The following DLEU7 variants were observed in gnomAD, a reference collection of about 807,000 sequenced individuals.
The protein encoded by DLEU7 is leukemia-associated protein 7.
In DLEU7, 17 loss-of-function variants were observed where a neutral mutation model predicts 16.0. The observed-to-expected ratio is 1.06, with a 90% CI of 0.73 to 1.59. The LOEUF is 1.59. Among genes scored for constraint, DLEU7 ranks in the 40% most tolerant of loss-of-function variants. DLEU7 has a pLI of 0.00. For missense variants in DLEU7, 308 were observed against 314.9 expected, an observed-to-expected ratio of 0.98 and a Z score of 0.17; for synonymous variants, 113 against 139.8, an observed-to-expected ratio of 0.81 and a Z score of 1.35.
At chr13:50,715,037 G>A (rs976529912) in intron 1 of DLEU7, among the ~76,000 whole-genome samples, 2 of 152,134 alleles carry the variant, frequency 1.3e-5, no homozygotes, top group African/African-American at 4.8e-5. Flanking sequence ...GCGGAATTCA[G>A]TTCAATTTGC....
chr13:50,770,565 A>G (rs1875269973), intron 1 of DLEU7, among the ~76,000 whole-genome samples: 1 of 152,068 alleles, frequency 6.6e-6, no homozygotes, highest in South Asian at 2.1e-4. Flanking sequence ...TTTATGTCAT[A>G]GATTATGTTT....
chr13:50,770,684 T>C (rs1875275394), intron 1 of DLEU7, among the ~76,000 whole-genome samples: 1 of 152,256 alleles, frequency 6.6e-6, no homozygotes, highest in Admixed American at 6.5e-5. Flanking sequence ...CAGTATTTTA[T>C]TGAGGATTTT....
At chr13:50,814,300 C>G (rs1876656681) in intron 1 of DLEU7, among the ~76,000 whole-genome samples, 1 of 152,036 alleles carries the variant, frequency 6.6e-6, no homozygotes, top group African/African-American at 2.4e-5. Context: ...GACGAATCAT[C>G]TATCCACCCA....
intron 1 of DLEU7, among the ~76,000 whole-genome samples, chr13:50,720,491 C>T (rs1873572025): frequency 6.6e-6 from 1 of 152,230 alleles, no homozygotes; most frequent in Non-Finnish European, 1.5e-5. Context: ...TAAACTGCAA[C>T]ATGCAACCTG....
intron 1 of DLEU7, among the ~76,000 whole-genome samples, chr13:50,836,986 A>G (rs190064839): frequency 3.9e-5 from 6 of 152,324 alleles, no homozygotes; most frequent in African/African-American, 1.2e-4. Context: ...CTGGCTTTGA[A>G]CCACAAATCA....
At chr13:50,792,032 A>G (rs1875974083) in intron 1 of DLEU7, among the ~76,000 whole-genome samples, 1 of 152,000 alleles carries the variant, frequency 6.6e-6, no homozygotes, top group South Asian at 2.1e-4. Flanking sequence ...TCTGGGGAAA[A>G]CTCTATCAAG....
chr13:50,843,745 G>T (rs762395111), upstream of DLEU7: 12 of 1,428,604 alleles, frequency 8.4e-6, no homozygotes, highest in Non-Finnish European at 1.1e-5. The surrounding 1 kb of genome is among the most constrained non-coding windows in gnomAD (Gnocchi z 5.7). Flanking sequence ...TCTAACCCGC[G>T]GCTCCTCGGC....
intron 1 of DLEU7, among the ~76,000 whole-genome samples, chr13:50,757,608 G>T (rs1874799974): frequency 6.6e-6 from 1 of 152,176 alleles, no homozygotes; most frequent in Non-Finnish European, 1.5e-5. Context: ...TATTCGTCAT[G>T]CTTGTTACTG....
intron 1 of DLEU7, among the ~76,000 whole-genome samples, chr13:50,803,963 A>G (rs1424290208): frequency 1.3e-5 from 2 of 152,106 alleles, no homozygotes; most frequent in African/African-American, 4.8e-5. Context: ...GGGTCCTAGT[A>G]TTTTTATATT....
chr13:50,811,782 A>G (rs1220935787), intron 1 of DLEU7, among the ~76,000 whole-genome samples: 1 of 152,134 alleles, frequency 6.6e-6, no homozygotes, highest in African/African-American at 2.4e-5. Context: ...AAATGCCTGT[A>G]AGATGTCTGG....
In DLEU7 at chr13:50,798,302, G is replaced by A. The variant is rs141575592; in HGVS notation, c.459+44886C>T. ...ATGTGTACAACACAATATGGGTGGC[G>A]CAGTCACAAACCTGACTGCAAACTC... On this transcript the variant is annotated intron_variant, in intron 1 of 1. Coordinates refer to the DLEU7 transcript ENST00000400393. Among the ~76,000 whole-genome samples the A allele has an allele frequency of 3.3e-4, 51 of 152,250 alleles. No individual in the cohort carries two copies. The East Asian group carries it at 8.9e-3, about 27-fold the overall frequency.
rs576808888 is a variant in DLEU7, at chr13:50,712,447, G to A, written c.*770C>T. ...TGCATTCAGTTCAACTTTCTTTCTC[G>A]GTTCCTTTCCCTACCCTGGTTTAGT... On this transcript the variant is annotated 3_prime_UTR_variant, in exon 2 of 2. Transcript: ENST00000400393. 5.3e-5 allele frequency: 8 copies of A among 152,064 alleles called. No homozygotes were observed. The East Asian group carries it at 7.7e-4, about 15-fold the overall frequency. The allele number at this position is 152,064 out of a possible 1,614,324, so 9.4% of individuals were successfully genotyped here.
chr13:50,756,894 G>T (rs1219809201), intron 1 of DLEU7, among the ~76,000 whole-genome samples: 2 of 152,124 alleles, frequency 1.3e-5, no homozygotes, highest in Admixed American at 1.3e-4. Context: ...GGCCTTTCCC[G>T]CTGCTTCCTC....
chr13:50,736,368 G>A (rs1007457282), intron 1 of DLEU7, among the ~76,000 whole-genome samples: 2 of 152,066 alleles, frequency 1.3e-5, no homozygotes, highest in Non-Finnish European at 2.9e-5. Context: ...GAGGGTGGGA[G>A]GAGGGAGAGG....
At chr13:50,768,361 G>C (rs1034810250) in intron 1 of DLEU7, among the ~76,000 whole-genome samples, 4 of 151,722 alleles carry the variant, frequency 2.6e-5, no homozygotes, top group Non-Finnish European at 5.9e-5. Context: ...AGGTATACAT[G>C]TGCCATGTTG....
intron 1 of DLEU7, among the ~76,000 whole-genome samples, chr13:50,837,222 T>A (rs2137815276): frequency 6.6e-6 from 1 of 152,298 alleles, no homozygotes; most frequent in East Asian, 1.9e-4. Flanking sequence ...CCACACCATT[T>A]CCAGCTGAAA....
intron 1 of DLEU7, among the ~76,000 whole-genome samples, chr13:50,729,716 A>C (rs1268065303): frequency 6.6e-6 from 1 of 152,138 alleles, no homozygotes; most frequent in Non-Finnish European, 1.5e-5. Context: ...TTGACTTTTT[A>C]ATAATAACCA....
At chr13:50,842,185 T>G (rs534699504) in intron 1 of DLEU7, among the ~76,000 whole-genome samples, 1 of 152,342 alleles carries the variant, frequency 6.6e-6, no homozygotes, top group South Asian at 2.1e-4. Flanking sequence ...TTATTATGTT[T>G]GATTTTAAAT....
At chr13:50,784,403 CT>C (rs1393248900) in intron 1 of DLEU7, among the ~76,000 whole-genome samples, 1 of 152,190 alleles carries the variant, frequency 6.6e-6, no homozygotes, top group East Asian at 1.9e-4. Context: ...CTTAACTTAG[CT>C]TGGTTATTGG....
Sources: gnomAD v4.1 joint callset for allele counts (sites outside exome capture counted in the v4.1 genomes callset) on GRCh38, gnomAD v4.1.1 for gene constraint, Gnocchi (gnomAD v3.1) non-coding constraint, MANE v1.5 for transcripts, NCBI Gene and HGNC (gene_info 2026-07-23, HGNC 2026-07-21) for gene names.